Variants in OR56A3 observed in about 807,000 individuals in gnomAD.
OR56A3 encodes the protein olfactory receptor family 56 subfamily A member 3, also known as olfactory receptor 56A3.
A neutral mutation model predicts 17.5 loss-of-function variants in OR56A3; 23 were observed. The observed-to-expected ratio is 1.32, with a 90% CI of 0.95 to 1.87. The LOEUF (loss-of-function observed/expected upper bound fraction) is 1.87, where lower values mean the gene tolerates loss of function less well. OR56A3 is among the 40% of genes most tolerant of loss of function. The pLI, the probability that OR56A3 is intolerant of heterozygous loss-of-function variation, is 0.00. For missense variants in OR56A3, 366 were observed against 380.1 expected (o/e 0.96, Z 0.31); for synonymous variants, 175 against 150.6 (o/e 1.16, Z -1.19).
chr11:5,965,022 T>C, the OR56A3 span, among the ~76,000 whole-genome samples: 3 of 152,168 alleles, frequency 2.0e-5, no homozygotes, highest in Non-Finnish European at 4.4e-5. Flanking sequence ...TGTAAAGGTA[T>C]TTAATGCATG....
At chr11:5,968,189 A>G in the OR56A3 span, 5 of 1,614,084 alleles carry the variant, frequency 3.1e-6, no homozygotes, top group Non-Finnish European at 4.2e-6. Context: ...TGAACACCTG[A>G]AGGAAGCAGG....
downstream of OR56A3, chr11:5,951,452 G>A (rs1224157217): frequency 6.6e-6 from 1 of 151,878 alleles, no homozygotes; most frequent in Non-Finnish European, 1.5e-5. Context: ...GATTGTTATA[G>A]TATATTATAA....
the OR56A3 span, chr11:6,003,108 T>C: frequency 6.2e-7 from 1 of 1,602,816 alleles, no homozygotes; most frequent in South Asian, 1.1e-5. Flanking sequence ...ACTGAGGCCC[T>C]GTATCTGTCC....
the OR56A3 span, among the ~76,000 whole-genome samples, chr11:5,997,196 AG>A: frequency 1.3e-5 from 2 of 152,222 alleles, no homozygotes; most frequent in Admixed American, 6.5e-5. Flanking sequence ...CCCATGGGAA[AG>A]CAGGGCTACA....
Position 5,947,872 on chromosome 11 carries a change from A to G in OR56A3, c.526A>G (p.Asn176Asp), listed in dbSNP as rs1257422201. ...LSAQLRYCGR[N>D]VIENCICANM... ...AGCACAACTCCGTTATTGTGGAAGAAATGTCATTGAGAACTGCATCTGTGC... is the reference window on the plus strand; with the variant it reads ...AGCACAACTCCGTTATTGTGGAAGAGATGTCATTGAGAACTGCATCTGTGC... The change falls in exon 3 of 3, where the codon AAT becomes GAT. Residue 176 changes from asparagine to aspartate, a missense_variant. Asn to Asp is a conservative substitution (Grantham distance 23). Transcript: ENST00000641160. 1 of 1,614,190 alleles carries G rather than the reference A, an allele frequency of 6.2e-7. No homozygotes were observed. Among genetic ancestry groups the G allele is most frequent in the African/African-American group, 1.3e-5 (1 of 75,040 alleles).
rs768780547 is a variant in OR56A3 at position 5,947,450 on chromosome 11, T to C, written c.104T>C (p.Leu35Pro). Residue 35 changes from leucine (L) to proline (P), a missense_variant, in exon 3 of 3, where the codon CTC (leucine) becomes CCC (proline). Coordinates refer to ENST00000641160, the MANE Select transcript of OR56A3 (RefSeq NM_001003443.3). ...TGGCAGCACTGGCTGTCCCTGCCCC[T>C]CAGCCTCCTTTTCCTCTTGGCCGTA... is the stretch of plus-strand genomic sequence containing the variant. ...PSWQHWLSLP[L>P]SLLFLLAVGA... The C allele has an allele frequency of 4.3e-6, 7 of 1,614,230 alleles. No individual in the cohort carries two copies. Among genetic ancestry groups the C allele is most frequent in the Non-Finnish European group, 5.1e-6 (6 of 1,180,032 alleles).
the OR56A3 span, among the ~76,000 whole-genome samples, chr11:5,966,093 A>T: frequency 1.9e-4 from 29 of 151,818 alleles, 1 homozygote; most frequent in South Asian, 5.0e-3. Context: ...AAATTGGGCC[A>T]GTCGTGGTGA....
rs1339193365 is a variant in OR56A3, at chr11:5,950,942, C to T, written c.*2648C>T. 1 of 152,054 alleles carries T rather than the reference C, an allele frequency of 6.6e-6. No homozygotes were observed. The highest frequency in any genetic ancestry group is 1.5e-5 in the Non-Finnish European group (1 of 67,956). 9.4% of individuals were successfully genotyped at this position (152,054 alleles called of 1,614,324 possible). On this transcript the variant is annotated 3_prime_UTR_variant, in exon 3 of 3. Coordinates refer to ENST00000641160, the MANE Select transcript of OR56A3 (RefSeq NM_001003443.3). Reference sequence around the variant, plus strand: ...GAAAATATGTATTCTTCTTGAAATACATCTTATAATACAGTTATATTTATA... The same window carrying T: ...GAAAATATGTATTCTTCTTGAAATATATCTTATAATACAGTTATATTTATA...
the OR56A3 span, among the ~76,000 whole-genome samples, chr11:6,009,119 T>A: frequency 1.3e-5 from 2 of 152,184 alleles, no homozygotes; most frequent in Non-Finnish European, 2.9e-5. Flanking sequence ...GCAGATGTAA[T>A]AAACTTAAAA....
the OR56A3 span, chr11:5,987,118 T>C: frequency 6.5e-6 from 4 of 614,476 alleles, no homozygotes; most frequent in Non-Finnish European, 1.1e-5. Context: ...AAGCTTAGTT[T>C]TGTTTAGAGA....
chr11:6,005,336 C>T, the OR56A3 span, among the ~76,000 whole-genome samples: 48 of 152,244 alleles, frequency 3.2e-4, no homozygotes, highest in Non-Finnish European at 6.3e-4. Flanking sequence ...ACAAAAAAAC[C>T]TGCCTTCATG....
the OR56A3 span, among the ~76,000 whole-genome samples, chr11:5,989,755 A>G: frequency 6.6e-6 from 1 of 152,154 alleles, no homozygotes; most frequent in African/African-American, 2.4e-5. Context: ...AACCAAAACC[A>G]CTTATACTCT....
chr11:5,992,544 GT>G, the OR56A3 span, among the ~76,000 whole-genome samples: 1 of 152,164 alleles, frequency 6.6e-6, no homozygotes, highest in Non-Finnish European at 1.5e-5. Context: ...GCTTCAGAGT[GT>G]GTTTCTGAAA....
chr11:5,978,616 CAG>C, the OR56A3 span, among the ~76,000 whole-genome samples: 1 of 151,900 alleles, frequency 6.6e-6, no homozygotes, highest in African/African-American at 2.4e-5. Context: ...GGCCTTTAGG[CAG>C]AGAGTATGGG....
At chr11:5,947,121 T>C (rs1003618131) in intron 2 of OR56A3, among the ~76,000 whole-genome samples, 190 bp from the exon 3 acceptor site, 106 of 152,216 alleles carry the variant, frequency 7.0e-4, no homozygotes, top group Non-Finnish European at 6.0e-4. Context: ...AGAGGAATCA[T>C]GTCACCTCAG....
chr11:5,944,834 C>G lies in OR56A3; in HGVS notation c.-285C>G, dbSNP rs558158297. ...AAAAGAATTGGGAGAATATCTAAATCTCTTCTATATATGAGGTGAAGGGCC... is the reference window on the plus strand; with the variant it reads ...AAAAGAATTGGGAGAATATCTAAATGTCTTCTATATATGAGGTGAAGGGCC... On this transcript the variant is annotated 5_prime_UTR_variant, in exon 2 of 3. It adds an upstream start codon to the 5' untranslated region. Transcript: ENST00000641160. The G allele has an allele frequency of 1.3e-5, 2 of 152,156 alleles. No individual in the cohort carries two copies. The highest frequency in any genetic ancestry group is 2.9e-5 in the Non-Finnish European group (2 of 68,028). The allele number at this position is 152,156 out of a possible 1,614,324, so 9.4% of individuals were successfully genotyped here.
At chr11:5,957,658 T>C in the OR56A3 span, among the ~76,000 whole-genome samples, 1 of 152,360 alleles carries the variant, frequency 6.6e-6, no homozygotes, top group Middle Eastern at 3.4e-3. Flanking sequence ...TTACTCAGGC[T>C]ACCACTGGAA....
the OR56A3 span, among the ~76,000 whole-genome samples, chr11:5,983,553 C>T: frequency 1.3e-5 from 2 of 152,134 alleles, no homozygotes; most frequent in South Asian, 4.1e-4. Context: ...AGTTCCCTCA[C>T]CCAAAGGATG....
chr11:6,011,202 TTTTATATATA>T, the OR56A3 span, among the ~76,000 whole-genome samples: 1 of 41,222 alleles, frequency 2.4e-5, no homozygotes, highest in African/African-American at 6.2e-5. Context: ...AGGAGATTTA[TTTTATATATA>T]TATATATATA....
Sources: gnomAD v4.1 joint callset for allele counts (sites outside exome capture counted in the v4.1 genomes callset) on GRCh38, gnomAD v4.1.1 for gene constraint, MANE v1.5 for transcripts, NCBI Gene and HGNC (gene_info 2026-07-23, HGNC 2026-07-21) for gene names.